The following ANKRD28 variants were observed in gnomAD, a reference collection of about 807,000 sequenced individuals.
ANKRD28 encodes ankyrin repeat domain 28.
ANKRD28 carries 44 observed loss-of-function variants against 126.5 expected under a neutral mutation model. The observed-to-expected ratio is 0.35, with a 90% CI of 0.27 to 0.45. The LOEUF (loss-of-function observed/expected upper bound fraction) is 0.45, where lower values mean the gene tolerates loss of function less well. Among genes scored for constraint, ANKRD28 ranks in the 20% least tolerant of loss-of-function variants. The pLI is 1.00. For missense variants in ANKRD28, 1,110 were observed against 1,316.6 expected (o/e 0.84, Z 2.43); for synonymous variants, 442 against 468.5 (o/e 0.94, Z 0.73).
At chr3:15,728,300 TTA>T (rs2074336678) in intron 6 of ANKRD28, among the ~76,000 whole-genome samples, 1 of 152,122 alleles carries the variant, frequency 6.6e-6, no homozygotes, top group African/African-American at 2.4e-5. Flanking sequence ...TTGTAATTAA[TTA>T]ATTATTTTTA....
At chr3:15,850,881 T>C (rs2061637650) in intron 1 of ANKRD28, among the ~76,000 whole-genome samples, 1 of 152,158 alleles carries the variant, frequency 6.6e-6, no homozygotes, top group African/African-American at 2.4e-5. Context: ...GTAAAACAAC[T>C]TGGGGCTTGC....
chr3:15,800,670 A>T (rs1188490317), upstream of ANKRD28, among the ~76,000 whole-genome samples: 1 of 152,066 alleles, frequency 6.6e-6, no homozygotes, highest in Non-Finnish European at 1.5e-5. Context: ...GCACATACTA[A>T]GTGTTAATTG....
chr3:15,682,680 G>T (rs1307078336), intron 21 of ANKRD28, among the ~76,000 whole-genome samples: 1 of 152,098 alleles, frequency 6.6e-6, no homozygotes, highest in Non-Finnish European at 1.5e-5. Context: ...GTTGTTTTCT[G>T]TTCTGTTGGC....
intron 4 of ANKRD28, among the ~76,000 whole-genome samples, chr3:15,748,321 G>A (rs1462160350): frequency 1.3e-5 from 2 of 152,028 alleles, no homozygotes; most frequent in South Asian, 4.1e-4. Flanking sequence ...GTTCTATTTT[G>A]GAGTATTTCA....
At chr3:15,768,660 C>A (rs965421884) in intron 2 of ANKRD28, among the ~76,000 whole-genome samples, 1 of 148,914 alleles carries the variant, frequency 6.7e-6, no homozygotes, top group Non-Finnish European at 1.5e-5. Flanking sequence ...TGGCGGGGGG[C>A]GGCGGTGGGG....
At chr3:15,687,797 A>G (rs886794026) in intron 18 of ANKRD28, among the ~76,000 whole-genome samples, 6 of 152,162 alleles carry the variant, frequency 3.9e-5, no homozygotes, top group Non-Finnish European at 8.8e-5. Flanking sequence ...TTCAAGAAGA[A>G]CTTGTTTGGC....
intron 1 of ANKRD28, among the ~76,000 whole-genome samples, chr3:15,810,204 A>G (rs557134250): frequency 6.6e-6 from 1 of 152,308 alleles, no homozygotes; most frequent in South Asian, 2.1e-4. Flanking sequence ...TCAGTAGGCT[A>G]TCACAATTAG....
chr3:15,852,395 A>C (rs933321835), intron 1 of ANKRD28, among the ~76,000 whole-genome samples: 6 of 152,072 alleles, frequency 3.9e-5, no homozygotes, highest in African/African-American at 1.4e-4. Flanking sequence ...GAATTTCTCT[A>C]CTCAATTGCC....
intron 21 of ANKRD28, among the ~76,000 whole-genome samples, chr3:15,682,090 A>T (rs2067608361): frequency 6.6e-6 from 1 of 152,188 alleles, no homozygotes; most frequent in African/African-American, 2.4e-5. Context: ...CAAAAAAAAT[A>T]TGAATAAAAA....
intron 3 of ANKRD28, among the ~76,000 whole-genome samples, chr3:15,753,993 A>G (rs1317213906): frequency 6.6e-6 from 1 of 152,168 alleles, no homozygotes; most frequent in Non-Finnish European, 1.5e-5. Flanking sequence ...CTGTGTTAAT[A>G]AAGATCTGAA....
chr3:15,716,281 CTT>C (rs373633047), intron 8 of ANKRD28, among the ~76,000 whole-genome samples: 30 of 113,622 alleles, frequency 2.6e-4, no homozygotes, highest in Admixed American at 4.5e-4. Flanking sequence ...CGCACCTGGA[CTT>C]TTTTTTTTTT....
At chr3:15,711,862 T>G (rs141638641) in intron 11 of ANKRD28, among the ~76,000 whole-genome samples, 1 of 114,388 alleles carries the variant, frequency 8.7e-6, no homozygotes, top group Non-Finnish European at 2.2e-5. Flanking sequence ...AATTTTTTTT[T>G]GTATTTTTTT....
Position 15,812,274 on chromosome 3 carries a change from G to A in ANKRD28, c.28-16968C>T, listed in dbSNP as rs372580554. Among the ~76,000 whole-genome samples, 1 of 152,182 alleles carries A rather than the reference G, an allele frequency of 6.6e-6. No homozygotes were observed. The highest frequency in any genetic ancestry group is 1.5e-5 in the Non-Finnish European group (1 of 68,036). ...TACACCTGTAGTCCCAGCTACTTGG[G>A]AGGCTGAGATGGGAAACTATACCAT... is the stretch of plus-strand genomic sequence containing the variant. On this transcript the variant is annotated intron_variant, in intron 1 of 27. Transcript: ENST00000399451. This position sits in a 1 kb window ranked among gnomAD's most constrained non-coding sequence, Gnocchi z 4.1.
In ANKRD28 at chr3:15,838,242, A is replaced by G. The variant is rs2061361536; in HGVS notation, c.27+21135T>C. Among the ~76,000 whole-genome samples, 1 of 152,228 alleles carries G rather than the reference A, an allele frequency of 6.6e-6. No homozygotes were observed. The highest frequency in any genetic ancestry group is 1.5e-5 in the Non-Finnish European group (1 of 68,036). On this transcript the variant is annotated intron_variant, in intron 1 of 27. Transcript: ENST00000399451. The surrounding 1 kb of genome is among the most constrained non-coding windows in gnomAD (Gnocchi z 4.0). ...CAAACTCATCTAGATACTTCAATAG[A>G]AAACACTTTCTAATTCCCTCCATGA...
rs1025547409 is a variant in ANKRD28, at chr3:15,670,217, T to C, written c.*53A>G. On this transcript the variant is annotated 3_prime_UTR_variant, in exon 28 of 28. Transcript: ENST00000683139. Reference sequence around the variant, plus strand: ...CGTGAATATCAAAGTGCCTTTTTCCTGAAAAAGCACAGTTTGAAGCTTTAC... The same window carrying C: ...CGTGAATATCAAAGTGCCTTTTTCCCGAAAAAGCACAGTTTGAAGCTTTAC... The C allele has an allele frequency of 1.3e-5, 21 of 1,566,378 alleles. No individual in the cohort carries two copies. The highest frequency in any genetic ancestry group is 2.6e-6 in the Non-Finnish European group (3 of 1,152,468).
At chr3:15,858,884 C>G (rs560772740) in intron 1 of ANKRD28, among the ~76,000 whole-genome samples, 13 of 152,310 alleles carry the variant, frequency 8.5e-5, no homozygotes, top group East Asian at 1.9e-4. Flanking sequence ...CAAAAGAAAA[C>G]AAGTCTGGAA....
intron 6 of ANKRD28, among the ~76,000 whole-genome samples, chr3:15,725,998 A>AT (rs1348514873): frequency 6.6e-6 from 1 of 152,154 alleles, no homozygotes; most frequent in African/African-American, 2.4e-5. Flanking sequence ...AGCCAAAATC[A>AT]TGTCACTGCA....
intron 1 of ANKRD28, among the ~76,000 whole-genome samples, chr3:15,857,237 GAAA>G (rs2061793202): frequency 6.6e-6 from 1 of 152,128 alleles, no homozygotes; most frequent in South Asian, 2.1e-4. Context: ...TAGTTTAGAG[GAAA>G]ACCTCAATGT....
intron 2 of ANKRD28, among the ~76,000 whole-genome samples, chr3:15,769,062 T>TTA (rs995121442): frequency 6.6e-6 from 1 of 152,218 alleles, no homozygotes; most frequent in Non-Finnish European, 1.5e-5. Context: ...ACAGCAAACT[T>TTA]CCTAGAGTGT....
Sources: allele counts gnomAD v4.1 joint callset (sites outside exome capture counted in the v4.1 genomes callset), GRCh38; gene constraint gnomAD v4.1.1; non-coding constraint Gnocchi (gnomAD v3.1); transcripts MANE v1.5; gene names NCBI Gene and HGNC (gene_info 2026-07-23, HGNC 2026-07-21).